Variants in MBOAT1 observed in about 807,000 individuals in gnomAD.
The protein encoded by MBOAT1 is membrane-bound glycerophospholipid O-acyltransferase 1.
Under a neutral mutation model 64.4 loss-of-function variants are expected in MBOAT1, and 67 were observed. That is an observed-to-expected ratio of 1.04 (90% CI 0.85 to 1.27). MBOAT1 has a LOEUF of 1.27. Among genes scored for constraint, MBOAT1 ranks in the 50% most tolerant of loss-of-function variants. The pLI is 0.00. For synonymous variants in MBOAT1, 229 were observed against 218.9 expected (o/e 1.05, Z -0.41); for missense variants, 563 against 604.6 (o/e 0.93, Z 0.72).
chr6:20,128,372 A>C (rs1760721095), intron 6 of MBOAT1, among the ~76,000 whole-genome samples: 1 of 152,116 alleles, frequency 6.6e-6, no homozygotes, highest in Admixed American at 6.5e-5. Flanking sequence ...ATACTTCCAG[A>C]GTAAACATAA....
chr6:20,148,993 C>T (rs150414587), intron 3 of MBOAT1, among the ~76,000 whole-genome samples: 1,538 of 149,560 alleles, frequency 0.01, 31 homozygotes, highest in African/African-American at 0.034. Context: ...CCCAGCTACT[C>T]GGAAGGCTGA....
chr6:20,154,424 T>C (rs1373600018), intron 1 of MBOAT1, among the ~76,000 whole-genome samples: 1 of 151,966 alleles, frequency 6.6e-6, no homozygotes, highest in African/African-American at 2.4e-5. Context: ...TCCCAGCTAC[T>C]TGGGAGGCTG....
chr6:20,183,004 A>T (rs1406066234), intron 1 of MBOAT1, among the ~76,000 whole-genome samples: 2 of 152,160 alleles, frequency 1.3e-5, no homozygotes, highest in Admixed American at 6.5e-5. Flanking sequence ...CATGCGTAAA[A>T]AGGACAAGTA....
At position 20,101,969 on chromosome 6, in the gene MBOAT1, G is replaced by T. The variant is rs944117231; in HGVS notation, c.*317C>A. On this transcript the variant is annotated 3_prime_UTR_variant, in exon 13 of 13. Coordinates refer to ENST00000324607, the MANE Select transcript of MBOAT1 (RefSeq NM_001080480.3). Reference sequence around the variant, plus strand: ...TCTCTACTAAAAATACAAAAAATTAGCCGGGCGTAGTGGCGGGCGCCTGTA... The same window carrying T: ...TCTCTACTAAAAATACAAAAAATTATCCGGGCGTAGTGGCGGGCGCCTGTA... Among the ~76,000 whole-genome samples, 71 of 150,986 alleles carry T rather than the reference G, an allele frequency of 4.7e-4. No homozygotes were observed. The highest frequency in any genetic ancestry group is 1.7e-3 in the African/African-American group (71 of 41,134).
rs1393295658 is a variant in MBOAT1 at position 20,102,130 on chromosome 6, A to AAAAT, written c.*155_*156insATTT. ...ACTCCGTCTCAAAAAAAAAAAAAAA[A>AAAAT]AAAAAAAAAAAAAAATACTCCCTGC... is the stretch of plus-strand genomic sequence containing the variant. On this transcript the variant is annotated 3_prime_UTR_variant, in exon 13 of 13. Transcript: ENST00000324607. 2.1e-5 allele frequency: 10 copies of AAAAT among 479,880 alleles called. No individual in the cohort carries two copies. The African/African-American group carries it at 2.1e-4, about 10-fold the overall frequency. The allele number at this position is 479,880 out of a possible 1,614,324, so 29.7% of individuals were successfully genotyped here. A position where few individuals can be genotyped will look rare whatever the true frequency, so the allele number is the denominator to read the frequency against.
chr6:20,142,324 T>C (rs776271891), intron 4 of MBOAT1, among the ~76,000 whole-genome samples: 1 of 152,234 alleles, frequency 6.6e-6, no homozygotes, highest in Non-Finnish European at 1.5e-5. Flanking sequence ...CAGTGGTTTG[T>C]TGATTGAATG....
intron 1 of MBOAT1, among the ~76,000 whole-genome samples, chr6:20,178,705 T>C (rs182159925): frequency 1.3e-5 from 2 of 152,132 alleles, no homozygotes; most frequent in East Asian, 1.9e-4. Context: ...ATACTTCAAG[T>C]ACACCTGGAG....
At position 20,107,805 on chromosome 6, in the gene MBOAT1, A is replaced by AAT. The variant is rs1554115212; in HGVS notation, c.1361+1792_1361+1793insAT. Among the ~76,000 whole-genome samples, 12 of 152,114 alleles carry AAT rather than the reference A, an allele frequency of 7.9e-5. No homozygotes were observed. The South Asian group carries it at 2.5e-3, about 32-fold the overall frequency. ...CCAGGGCTTACAGGAAAAAAAAAAAAGCATGTTAGAAATAGATAATTCAAA... is the reference window on the plus strand; with the variant it reads ...CCAGGGCTTACAGGAAAAAAAAAAAAATGCATGTTAGAAATAGATAATTCAAA... On this transcript the variant is annotated intron_variant, in intron 12 of 12. Transcript: ENST00000324607.
chr6:20,191,364 G>A (rs558419719), intron 1 of MBOAT1, among the ~76,000 whole-genome samples: 1 of 152,306 alleles, frequency 6.6e-6, no homozygotes, highest in African/African-American at 2.4e-5. Flanking sequence ...ATAGCATTGT[G>A]CTATAGCAGC....
chr6:20,202,945 G>A (rs1010481703), intron 1 of MBOAT1, among the ~76,000 whole-genome samples: 4 of 152,142 alleles, frequency 2.6e-5, no homozygotes, highest in Non-Finnish European at 5.9e-5. Flanking sequence ...CAAGTCACTG[G>A]TACAAAAGAT....
chr6:20,152,482 C>T (rs1447321963), intron 2 of MBOAT1, 142 bp downstream of exon 2: 1 of 779,532 alleles, frequency 1.3e-6, no homozygotes, highest in African/African-American at 1.8e-5. Flanking sequence ...TCCTCATTAT[C>T]CTACTATAAG....
In MBOAT1 at chr6:20,212,186, A is replaced by T; in HGVS notation, c.49T>A (p.Ser17Thr). The T allele has an allele frequency of 6.2e-7, 1 of 1,613,466 alleles. No individual in the cohort carries two copies. The highest frequency in any genetic ancestry group is 8.5e-7 in the Non-Finnish European group (1 of 1,179,876). The change falls in exon 1 of 13, where the codon TCC becomes ACC. Residue 17 changes from serine (S) to threonine (T), a missense_variant. Ser to Thr is a moderately conservative substitution (Grantham distance 58). Coordinates refer to ENST00000324607, the MANE Select transcript of MBOAT1 (RefSeq NM_001080480.3). ...PSSLSYRTTG[S>T]TYLHPLSELL... Reference sequence around the variant, plus strand: ...TCGCTGAGCGGGTGCAGGTAGGTGGAGCCCGTGGTGCGGTAGGAAAGGCTG... The same window carrying T: ...TCGCTGAGCGGGTGCAGGTAGGTGGTGCCCGTGGTGCGGTAGGAAAGGCTG...
At position 20,165,663 on chromosome 6, in the gene MBOAT1, C is replaced by T. The variant is rs545503150; in HGVS notation, c.100-12894G>A. On this transcript the variant is annotated intron_variant, in intron 1 of 12. Coordinates refer to ENST00000324607, the MANE Select transcript of MBOAT1 (RefSeq NM_001080480.3). The stretch of plus-strand genomic sequence containing the variant: ...GAGGCTAAAGCAGGAGAATCGCTTG[C>T]ACCCAGGAGGCGGAGGCTGCAGTGA... Among the ~76,000 whole-genome samples the T allele has an allele frequency of 1.2e-3, 177 of 151,894 alleles. 1 individual carries two copies. The highest frequency in any genetic ancestry group is 2.8e-3 in the Admixed American group (43 of 15,262).
chr6:20,195,066 C>A (rs2328394), intron 1 of MBOAT1, among the ~76,000 whole-genome samples: 4 of 151,764 alleles, frequency 2.6e-5, no homozygotes, highest in African/African-American at 9.7e-5. Flanking sequence ...AATCCTCCCA[C>A]CATGGCCTCC....
rs770513036 is a variant in MBOAT1, at chr6:20,124,611, G to C, written c.715-11C>G. The C allele has an allele frequency of 5.6e-6, 9 of 1,612,538 alleles. No individual in the cohort carries two copies. In the Admixed American group the frequency reaches 1.5e-4, roughly 27 times the overall value. Reference sequence around the variant, plus strand: ...GTGTATCACAGCTCCCTGAAAATGGGGAAAAATCAGTGTCACCGTGCAGAA... The same window carrying C: ...GTGTATCACAGCTCCCTGAAAATGGCGAAAAATCAGTGTCACCGTGCAGAA... On this transcript the variant is annotated splice_polypyrimidine_tract_variant and intron_variant, in intron 7 of 12. Coordinates refer to ENST00000324607, the MANE Select transcript of MBOAT1 (RefSeq NM_001080480.3).
chr6:20,151,227 C>A lies in MBOAT1; in HGVS notation c.281G>T (p.Cys94Phe). 1 of 1,613,382 alleles carries A rather than the reference C, an allele frequency of 6.2e-7. No homozygotes were observed. Among genetic ancestry groups the A allele is most frequent in the South Asian group, 1.1e-5 (1 of 91,050 alleles). ...ACTAGCAGTGACCATGATTGCATAG[C>A]ACATTAACACCAGCACAAAAAGATG... ...SVHLFVLVLM[C>F]YAIMVTASVS... The change falls in exon 3 of 13, where the codon TGC becomes TTC. Residue 94 changes from cysteine to phenylalanine, a missense_variant. By Grantham distance (205) the Cys-to-Phe change is radical. Coordinates refer to ENST00000324607, the MANE Select transcript of MBOAT1 (RefSeq NM_001080480.3).
rs1170858808 is a variant in MBOAT1 at position 20,209,641 on chromosome 6, T to G, written c.99+2495A>C. On this transcript the variant is annotated intron_variant, in intron 1 of 12. Transcript: ENST00000324607. ...TGTCCTTAAGAGGCATACAAAAAAC[T>G]ATTTGAGTAACTTGAGATATATATT... Among the ~76,000 whole-genome samples the G allele has an allele frequency of 2.0e-5, 3 of 152,354 alleles. No individual in the cohort carries two copies. In the East Asian group the frequency reaches 5.8e-4, roughly 29 times the overall value.
intron 1 of MBOAT1, among the ~76,000 whole-genome samples, chr6:20,202,083 A>G (rs1183907982): frequency 1.3e-5 from 2 of 152,158 alleles, no homozygotes; most frequent in Non-Finnish European, 2.9e-5. Context: ...ACTTCATGTA[A>G]TTTCATGAAA....
At chr6:20,132,919 A>T (rs1760875499) in intron 4 of MBOAT1, among the ~76,000 whole-genome samples, 1 of 152,214 alleles carries the variant, frequency 6.6e-6, no homozygotes, top group African/African-American at 2.4e-5. Flanking sequence ...ACACTCATCC[A>T]CTTCTCTGTG....
Sources: gnomAD v4.1 joint callset for allele counts (sites outside exome capture counted in the v4.1 genomes callset) on GRCh38, gnomAD v4.1.1 for gene constraint, MANE v1.5 for transcripts, NCBI Gene and HGNC (gene_info 2026-07-23, HGNC 2026-07-21) for gene names.